The following TMEM74 variants were observed in gnomAD, a reference collection of about 807,000 sequenced individuals.
The protein encoded by TMEM74 is transmembrane protein 74.
In TMEM74, 13 loss-of-function variants were observed where a neutral mutation model predicts 18.1. The ratio of observed to expected loss-of-function variants is 0.72; its 90% CI spans 0.47 to 1.14. The LOEUF (loss-of-function observed/expected upper bound fraction) is 1.14. Ranked by LOEUF, TMEM74 falls within the 50% of genes most tolerant of loss-of-function variation. TMEM74 has a pLI of 0.00. For missense variants in TMEM74, 372 were observed against 375.9 expected, an observed-to-expected ratio of 0.99 and a Z score of 0.09; for synonymous variants, 159 against 146.6, an observed-to-expected ratio of 1.08 and a Z score of -0.61.
intron 1 of TMEM74, among the ~76,000 whole-genome samples, chr8:108,739,495 T>C (rs1306377240): frequency 6.6e-6 from 1 of 152,224 alleles, no homozygotes; most frequent in Non-Finnish European, 1.5e-5. Flanking sequence ...GTTACTCTCA[T>C]CAGGCCATTT....
chr8:108,646,941 T>A (rs1185107287), intron 2 of TMEM74, among the ~76,000 whole-genome samples: 1 of 152,150 alleles, frequency 6.6e-6, no homozygotes, highest in Non-Finnish European at 1.5e-5. Context: ...ATATTAAACA[T>A]CTGTACATTT....
chr8:108,661,183 C>A (rs1013688929), intron 1 of TMEM74, among the ~76,000 whole-genome samples: 1 of 151,946 alleles, frequency 6.6e-6, no homozygotes, highest in Non-Finnish European at 1.5e-5. Context: ...TTCCAAGATT[C>A]TTAAATCAGT....
At chr8:108,687,826 G>A (rs1261996732) in intron 1 of TMEM74, among the ~76,000 whole-genome samples, 2 of 152,126 alleles carry the variant, frequency 1.3e-5, no homozygotes, top group Admixed American at 1.3e-4. Context: ...TGTATATACA[G>A]ATGAAGCTTT....
At chr8:108,629,494 A>T (rs1361429183) in intron 2 of TMEM74, among the ~76,000 whole-genome samples, 1 of 152,056 alleles carries the variant, frequency 6.6e-6, no homozygotes, top group Non-Finnish European at 1.5e-5. Flanking sequence ...CACCACTAAG[A>T]TACTCATAGA....
At chr8:108,607,429 A>G (rs1376639489) in exon 4 of TMEM74, 1 of 152,254 alleles carries the variant, frequency 6.6e-6, no homozygotes, top group African/African-American at 2.4e-5. Flanking sequence ...CAACCAGCCA[A>G]TAAACAAACA....
chr8:108,708,809 CAAAAAA>C (rs71564016), intron 1 of TMEM74, among the ~76,000 whole-genome samples: 19 of 17,948 alleles, frequency 1.1e-3, no homozygotes, highest in South Asian at 5.8e-3. Flanking sequence ...AACTCAATAG[CAAAAAA>C]AAAAAAAAAA....
intron 2 of TMEM74, among the ~76,000 whole-genome samples, chr8:108,629,558 GA>G (rs1405703413): frequency 6.6e-6 from 1 of 151,930 alleles, no homozygotes; most frequent in Non-Finnish European, 1.5e-5. Flanking sequence ...TGAAATGAGG[GA>G]AAAATTATTA....
At chr8:108,756,574 A>AAGAAAGAAAGAAAGAT (rs1813962618) in intron 1 of TMEM74, among the ~76,000 whole-genome samples, 1 of 121,274 alleles carries the variant, frequency 8.2e-6, no homozygotes, top group Non-Finnish European at 1.7e-5. Flanking sequence ...GAAAGAAAGA[A>AAGAAAGAAAGAAAGAT]AGAAAGAAAG....
downstream of TMEM74, among the ~76,000 whole-genome samples, chr8:108,775,448 G>A (rs962912472): frequency 6.6e-6 from 1 of 152,100 alleles, no homozygotes; most frequent in African/African-American, 2.4e-5. Flanking sequence ...AGGCTCATGG[G>A]TTCTTTGGCA....
At position 108,657,904 on chromosome 8, in the gene TMEM74, T is replaced by A. The variant is rs868768805; in HGVS notation, n.120-2467A>T. 3.3e-3 allele frequency among the ~76,000 whole-genome samples: 362 copies of A among 109,414 alleles called. 1 individual carries two copies. Among genetic ancestry groups the A allele is most frequent in the Middle Eastern group, 0.011 (2 of 182 alleles). The allele number at this position is 109,414 out of a possible 152,430, so 71.8% of individuals were successfully genotyped here. On this transcript the variant is annotated intron_variant and non_coding_transcript_variant, in intron 1 of 3. Transcript: ENST00000518838. ...TATATATATATATATATATATATAT[T>A]AATTACATATATATATTTCGAGAAG...
intron 2 of TMEM74, among the ~76,000 whole-genome samples, chr8:108,617,027 C>G (rs1374381151): frequency 6.6e-6 from 1 of 151,390 alleles, no homozygotes; most frequent in Non-Finnish European, 1.5e-5. Context: ...AGTGGTAGAG[C>G]AGAGCAATTT....
chr8:108,652,564 T>C, intron 2 of TMEM74: 1 of 580,126 alleles, frequency 1.7e-6, no homozygotes, highest in South Asian at 1.8e-5. Flanking sequence ...GTTTTCTGGG[T>C]ATCATAAGAA....
At chr8:108,785,334 G>C (rs1243364438) in intron 1 of TMEM74, among the ~76,000 whole-genome samples, 197 bp from the exon 2 acceptor site, 1 of 152,184 alleles carries the variant, frequency 6.6e-6, no homozygotes, top group Non-Finnish European at 1.5e-5. Flanking sequence ...ACTTGTCATA[G>C]TGATTAACAC....
intron 1 of TMEM74, among the ~76,000 whole-genome samples, chr8:108,765,407 C>CTTTTT (rs61334796): frequency 4.1e-5 from 5 of 120,714 alleles, no homozygotes; most frequent in South Asian, 2.6e-4. Context: ...TTTGGAACTA[C>CTTTTT]TTTTTTTTTT....
intron 1 of TMEM74, among the ~76,000 whole-genome samples, chr8:108,731,255 T>C (rs1422916521): frequency 6.7e-6 from 1 of 150,206 alleles, no homozygotes; most frequent in African/African-American, 2.4e-5. Flanking sequence ...AAGGACACAG[T>C]GAAGGGCCAT....
chr8:108,769,122 G>A (rs1814142978), intron 1 of TMEM74, among the ~76,000 whole-genome samples: 1 of 151,198 alleles, frequency 6.6e-6, no homozygotes, highest in South Asian at 2.1e-4. Flanking sequence ...GGCCAACATG[G>A]TGAAACACTA....
chr8:108,628,695 G>C (rs548052972), intron 2 of TMEM74, among the ~76,000 whole-genome samples: 11 of 151,994 alleles, frequency 7.2e-5, no homozygotes, highest in Non-Finnish European at 1.6e-4. Context: ...CTAGATCCTT[G>C]AGAAATTGCC....
chr8:108,688,015 T>C (rs927109487), intron 1 of TMEM74, among the ~76,000 whole-genome samples: 6 of 152,180 alleles, frequency 3.9e-5, no homozygotes, highest in Non-Finnish European at 5.9e-5. Context: ...ATGAAATTCT[T>C]CAAGAAAATA....
At chr8:108,787,390 G>A (rs1427681731) in intron 1 of TMEM74, 86 bp downstream of exon 1, 4 of 152,230 alleles carry the variant, frequency 2.6e-5, no homozygotes, top group South Asian at 2.1e-4. Flanking sequence ...AGAGAGAGCG[G>A]GGATATGCGC....
Sources: gnomAD v4.1 joint callset for allele counts (sites outside exome capture counted in the v4.1 genomes callset) on GRCh38, gnomAD v4.1.1 for gene constraint, MANE v1.5 for transcripts, NCBI Gene and HGNC (gene_info 2026-07-23, HGNC 2026-07-21) for gene names.